SLC16A10: variants seen among roughly 807,000 people sequenced by gnomAD.
SLC16A10 encodes the protein solute carrier family 16 member 10, also known as monocarboxylate transporter 10.
Under a neutral mutation model 40.0 loss-of-function variants are expected in SLC16A10, and 27 were observed. The ratio of observed to expected loss-of-function variants is 0.67; its 90% CI spans 0.50 to 0.93. The LOEUF (loss-of-function observed/expected upper bound fraction) is 0.93. Among genes scored for constraint, SLC16A10 ranks in the 40% least tolerant of loss-of-function variants. The probability of loss-of-function intolerance (pLI) is 0.00; values close to 1 mark genes in which losing one functional copy is unlikely to be tolerated. For synonymous variants in SLC16A10, 213 were observed against 249.8 expected, an observed-to-expected ratio of 0.85 and a Z score of 1.39; for missense variants, 529 against 658.2, an observed-to-expected ratio of 0.80 and a Z score of 2.15.
intron 1 of SLC16A10, among the ~76,000 whole-genome samples, chr6:111,137,369 G>A (rs1771897903): frequency 1.3e-5 from 2 of 152,198 alleles, no homozygotes; most frequent in African/African-American, 4.8e-5. Flanking sequence ...ACTGGACCAG[G>A]CCTTTTCAAA....
At chr6:111,146,454 A>G (rs1456027992) in intron 1 of SLC16A10, among the ~76,000 whole-genome samples, 1 of 152,202 alleles carries the variant, frequency 6.6e-6, no homozygotes, top group East Asian at 1.9e-4. Context: ...AAAAAGATAT[A>G]TACAGGCCGG....
At chr6:111,125,802 G>A (rs1478262512) in intron 1 of SLC16A10, among the ~76,000 whole-genome samples, 1 of 152,084 alleles carries the variant, frequency 6.6e-6, no homozygotes, top group African/African-American at 2.4e-5. Flanking sequence ...TTGGCCAACA[G>A]GTAGGATGGT....
At position 111,152,667 on chromosome 6, in the gene SLC16A10, G is replaced by A. The variant is rs529846773; in HGVS notation, c.344-20028G>A. 5.3e-5 allele frequency among the ~76,000 whole-genome samples: 8 copies of A among 152,272 alleles called. No homozygotes were observed. In the South Asian group the frequency reaches 8.3e-4, roughly 16 times the overall value. ...TATGCTGTAAGTAATTTTACTTTACGTGTAAGTACTTTTCTCTGGCTTTCC... is the reference window on the plus strand; with the variant it reads ...TATGCTGTAAGTAATTTTACTTTACATGTAAGTACTTTTCTCTGGCTTTCC... On this transcript the variant is annotated intron_variant, in intron 1 of 5. Coordinates refer to ENST00000368851, the MANE Select transcript of SLC16A10 (RefSeq NM_018593.5).
At chr6:111,162,234 C>T (rs982909177) in intron 1 of SLC16A10, among the ~76,000 whole-genome samples, 6 of 152,216 alleles carry the variant, frequency 3.9e-5, no homozygotes, top group Non-Finnish European at 8.8e-5. Context: ...TTATTTTTCA[C>T]ACAGGCTTTT....
chr6:111,200,802 G>A (rs756748130), intron 3 of SLC16A10, among the ~76,000 whole-genome samples: 7 of 152,068 alleles, frequency 4.6e-5, no homozygotes, highest in Non-Finnish European at 8.8e-5. Context: ...AGTATGTTTA[G>A]GCAGAATGGT....
At chr6:111,151,779 T>C (rs565039575) in intron 1 of SLC16A10, among the ~76,000 whole-genome samples, 11 of 152,320 alleles carry the variant, frequency 7.2e-5, no homozygotes, top group African/African-American at 2.6e-4. Flanking sequence ...TCCCTTTACA[T>C]GGAATGTTCC....
At chr6:111,091,336 G>C (rs1770971789) in intron 1 of SLC16A10, 1 of 152,144 alleles carries the variant, frequency 6.6e-6, no homozygotes, top group South Asian at 2.1e-4. Flanking sequence ...AGCACCAGGA[G>C]CTGGGTTTTA....
chr6:111,163,744 A>G (rs1772419409), intron 1 of SLC16A10, among the ~76,000 whole-genome samples: 1 of 152,202 alleles, frequency 6.6e-6, no homozygotes. Context: ...GAGGTTTAAA[A>G]CACTTTATAT....
chr6:111,127,959 G>A (rs985973762), intron 1 of SLC16A10, among the ~76,000 whole-genome samples: 1 of 152,112 alleles, frequency 6.6e-6, no homozygotes, highest in Admixed American at 6.5e-5. Flanking sequence ...GAACCTGCGT[G>A]GACTGGGTCG....
At chr6:111,174,304 A>G (rs925586589) in intron 2 of SLC16A10, among the ~76,000 whole-genome samples, 2 of 152,016 alleles carry the variant, frequency 1.3e-5, no homozygotes, top group African/African-American at 4.8e-5. Flanking sequence ...TCAAATTTAC[A>G]TTTGACTTTT....
chr6:111,172,856 T>A lies in SLC16A10; in HGVS notation c.488+17T>A. On this transcript the variant is annotated intron_variant, in intron 2 of 5. Transcript: ENST00000368851. ...TTTTGTAAGGTAAGGACTTGGTTTT[T>A]TCATGTTGCTTTTTAAAAACTGTTA... 6.2e-7 allele frequency: 1 copy of A among 1,607,998 alleles called. No homozygotes were observed.
intron 3 of SLC16A10, among the ~76,000 whole-genome samples, chr6:111,196,052 C>G (rs1773075119): frequency 1.7e-5 from 1 of 59,494 alleles, no homozygotes; most frequent in Non-Finnish European, 5.5e-5. Flanking sequence ...GATGCCATCT[C>G]TACAAAAAAC....
chr6:111,094,821 T>A (rs1771045365), intron 1 of SLC16A10, among the ~76,000 whole-genome samples: 1 of 152,124 alleles, frequency 6.6e-6, no homozygotes, highest in Admixed American at 6.5e-5. Context: ...AAAATTTTTA[T>A]GTGGAGATGG....
At chr6:111,140,462 C>T (rs1771961938) in intron 1 of SLC16A10, among the ~76,000 whole-genome samples, 1 of 150,928 alleles carries the variant, frequency 6.6e-6, no homozygotes, top group African/African-American at 2.4e-5. Context: ...GACCCTGTCT[C>T]CAAAAAAAAA....
At chr6:111,111,885 C>T (rs1771392904) in intron 1 of SLC16A10, among the ~76,000 whole-genome samples, 1 of 152,200 alleles carries the variant, frequency 6.6e-6, no homozygotes, top group Admixed American at 6.5e-5. Flanking sequence ...TAATTTGAGG[C>T]ATGACTTTGT....
chr6:111,117,596 G>A (rs1448640172), intron 1 of SLC16A10, among the ~76,000 whole-genome samples: 1 of 152,110 alleles, frequency 6.6e-6, no homozygotes, highest in Non-Finnish European at 1.5e-5. Context: ...CCCTTTGAGG[G>A]CATGAAGTAC....
intron 2 of SLC16A10, among the ~76,000 whole-genome samples, chr6:111,173,851 G>C (rs1449371132): frequency 6.6e-6 from 1 of 152,140 alleles, no homozygotes; most frequent in Non-Finnish European, 1.5e-5. Context: ...TAGAAATAAA[G>C]TGCACAATAA....
chr6:111,121,646 T>C (rs927840611), intron 1 of SLC16A10, among the ~76,000 whole-genome samples: 2 of 152,220 alleles, frequency 1.3e-5, no homozygotes, highest in Non-Finnish European at 2.9e-5. Flanking sequence ...CATTACAGCT[T>C]GGTTTAAAGA....
chr6:111,132,481 G>A (rs1294419033), intron 1 of SLC16A10, among the ~76,000 whole-genome samples: 2 of 152,188 alleles, frequency 1.3e-5, no homozygotes, highest in East Asian at 1.9e-4. Context: ...CCAGTAACAC[G>A]TGGATGGGCC....
Sources: allele counts gnomAD v4.1 joint callset (sites outside exome capture counted in the v4.1 genomes callset), GRCh38; gene constraint gnomAD v4.1.1; transcripts MANE v1.5; gene names NCBI Gene and HGNC (gene_info 2026-07-23, HGNC 2026-07-21).